RAB11FIP4: variants seen among roughly 807,000 people sequenced by gnomAD.
The protein encoded by RAB11FIP4 is rab11 family-interacting protein 4.
Under a neutral mutation model 74.3 loss-of-function variants are expected in RAB11FIP4, and 23 were observed. That is an observed-to-expected ratio of 0.31 (90% CI 0.22 to 0.44). The LOEUF (loss-of-function observed/expected upper bound fraction) is 0.44, where lower values mean the gene tolerates loss of function less well. Among genes scored for constraint, RAB11FIP4 ranks in the 20% least tolerant of loss-of-function variants. The pLI is 1.00. For missense variants in RAB11FIP4, 630 were observed against 863.9 expected (o/e 0.73, Z 3.39); for synonymous variants, 360 against 359.9 (o/e 1.00, Z 0.00).
chr17:31,391,735 G>C lies in RAB11FIP4; in HGVS notation c.-118G>C, dbSNP rs901133775. The C allele has an allele frequency of 2.8e-5, 22 of 784,422 alleles. No homozygotes were observed. The African/African-American group carries it at 4.2e-4, about 15-fold the overall frequency. The allele number at this position is 784,422 out of a possible 1,614,324, so 48.6% of individuals were successfully genotyped here. ...GATCGGCCGCGGCCGCCACCGGGCG[G>C]AGGCTGCGCGGCGCAGACCCAGACG... On this transcript the variant is annotated 5_prime_UTR_variant, in exon 1 of 15. Transcript: ENST00000621161.
At chr17:31,465,227 T>C (rs750517349) in intron 3 of RAB11FIP4, among the ~76,000 whole-genome samples, 1 of 152,066 alleles carries the variant, frequency 6.6e-6, no homozygotes, top group Non-Finnish European at 1.5e-5. Context: ...GTCTTTCCCC[T>C]GTAGTCAGGA....
Position 31,517,669 on chromosome 17 carries a change from C to G in RAB11FIP4, c.355C>G (p.Pro119Ala), listed in dbSNP as rs2072583019. The stretch of plus-strand genomic sequence containing the variant: ...TTCCCAGGGCAGCGAGGTCACAGGC[C>G]CCACCTTTGCTGATGGCGAGCTCAT... ...CVEQGSEVTGPTFADGELIPR... is the reference protein window; with the variant it reads ...CVEQGSEVTGATFADGELIPR... Residue 119 changes from proline (P) to alanine (A), a missense_variant, in exon 4 of 15, where the codon CCC becomes GCC. Physicochemically the swap from Pro to Ala is conservative, Grantham distance 27. Coordinates refer to ENST00000621161, the MANE Select transcript of RAB11FIP4 (RefSeq NM_032932.6). 6.2e-7 allele frequency: 1 copy of G among 1,605,810 alleles called. No homozygotes were observed. Among genetic ancestry groups the G allele is most frequent in the African/African-American group, 1.3e-5 (1 of 74,834 alleles).
intron 3 of RAB11FIP4, among the ~76,000 whole-genome samples, chr17:31,478,282 C>T (rs764503864): frequency 1.1e-4 from 16 of 152,158 alleles, no homozygotes; most frequent in South Asian, 4.1e-4. Flanking sequence ...CATGAGCCAC[C>T]GTGCCTGGCC....
chr17:31,504,050 C>T (rs1374939305), intron 3 of RAB11FIP4, among the ~76,000 whole-genome samples: 1 of 149,190 alleles, frequency 6.7e-6, no homozygotes. Flanking sequence ...AAAAGACAGG[C>T]AATAACACTT....
At position 31,434,215 on chromosome 17, in the gene RAB11FIP4, G is replaced by A. The variant is rs968291562; in HGVS notation, c.336+93G>A. 85 of 1,042,666 alleles carry A rather than the reference G, an allele frequency of 8.2e-5. No homozygotes were observed. The African/African-American group carries it at 1.3e-3, about 16-fold the overall frequency. 64.6% of individuals were successfully genotyped at this position (1,042,666 alleles called of 1,614,324 possible). ...CATTTTCAGTATCTGGGAGGACCCA[G>A]AACCTCCCTCTGAGGACCCTTCTTG... On this transcript the variant is annotated intron_variant, in intron 3 of 14. Coordinates refer to ENST00000621161, the MANE Select transcript of RAB11FIP4 (RefSeq NM_032932.6).
intron 3 of RAB11FIP4, among the ~76,000 whole-genome samples, chr17:31,515,902 T>A (rs575392532): frequency 3.1e-4 from 47 of 152,250 alleles, no homozygotes; most frequent in African/African-American, 1.1e-3. Flanking sequence ...TGCCAGCATG[T>A]CTTTATCACA....
At chr17:31,451,020 C>A (rs772130584) in intron 3 of RAB11FIP4, among the ~76,000 whole-genome samples, 2 of 152,166 alleles carry the variant, frequency 1.3e-5, no homozygotes, top group Non-Finnish European at 2.9e-5. Flanking sequence ...TACCTCCAAA[C>A]TATGTCCCGA....
intron 3 of RAB11FIP4, among the ~76,000 whole-genome samples, chr17:31,470,029 G>A (rs539306553): frequency 1.2e-4 from 19 of 152,322 alleles, no homozygotes; most frequent in African/African-American, 3.8e-4. Context: ...ACACAGAGCA[G>A]GGGTGCCCCT....
intron 7 of RAB11FIP4, 137 bp downstream of exon 7, chr17:31,522,532 G>A (rs774897314): frequency 6.4e-6 from 5 of 782,636 alleles, no homozygotes; most frequent in Non-Finnish European, 1.1e-5. Context: ...GGCCATCCCA[G>A]GGCAGTGCAG....
chr17:31,417,313 C>T (rs1218906988), intron 1 of RAB11FIP4, among the ~76,000 whole-genome samples: 1 of 152,144 alleles, frequency 6.6e-6, no homozygotes, highest in Non-Finnish European at 1.5e-5. Context: ...AGAAGCACTG[C>T]CAGGGAAATC....
chr17:31,402,189 G>C (rs200736978), intron 1 of RAB11FIP4, among the ~76,000 whole-genome samples: 4 of 103,286 alleles, frequency 3.9e-5, no homozygotes, highest in African/African-American at 2.2e-4. Context: ...ATCTGTCCAT[G>C]CATCCATCCA....
chr17:31,396,193 AAAAAGAAAAGAAAAG>A (rs555737393), intron 1 of RAB11FIP4, among the ~76,000 whole-genome samples: 7 of 124,762 alleles, frequency 5.6e-5, no homozygotes, highest in Admixed American at 4.8e-4. Flanking sequence ...CAAAAAAAAA[AAAAAGAAAAGAAAAG>A]AAAAGAAAAG....
At chr17:31,466,015 C>A (rs539800131) in intron 3 of RAB11FIP4, among the ~76,000 whole-genome samples, 1 of 96,194 alleles carries the variant, frequency 1.0e-5, no homozygotes, top group East Asian at 3.3e-4. Flanking sequence ...TGGTAGCACG[C>A]GCCTGTAAGT....
chr17:31,402,816 G>T (rs560387169), intron 1 of RAB11FIP4, among the ~76,000 whole-genome samples: 12 of 151,366 alleles, frequency 7.9e-5, no homozygotes, highest in South Asian at 2.1e-4. Flanking sequence ...TAGTAGAGAC[G>T]GGGTTTCACC....
chr17:31,494,909 C>T (rs1441300244), intron 3 of RAB11FIP4, among the ~76,000 whole-genome samples: 1 of 152,224 alleles, frequency 6.6e-6, no homozygotes, highest in Non-Finnish European at 1.5e-5. Context: ...CAGACTTCTC[C>T]CCAGGTTCAG....
intron 3 of RAB11FIP4, among the ~76,000 whole-genome samples, chr17:31,486,461 C>T (rs1002461577): frequency 1.3e-5 from 2 of 152,054 alleles, no homozygotes; most frequent in Non-Finnish European, 2.9e-5. Flanking sequence ...TCCAATCTGG[C>T]CTCAAATACC....
chr17:31,467,099 C>CTTTTCT (rs1555545835), intron 3 of RAB11FIP4, among the ~76,000 whole-genome samples: 40 of 149,000 alleles, frequency 2.7e-4, no homozygotes, highest in Admixed American at 2.4e-3. Flanking sequence ...CTGAGTATTT[C>CTTTTCT]TTTCTTTTCT....
intron 3 of RAB11FIP4, among the ~76,000 whole-genome samples, chr17:31,517,115 C>T (rs1170382518): frequency 2.2e-4 from 33 of 149,048 alleles, no homozygotes; most frequent in Admixed American, 2.2e-3. Context: ...TGATTGGTTG[C>T]AGGAGGGGAC....
At chr17:31,483,898 G>C (rs955072810) in intron 3 of RAB11FIP4, among the ~76,000 whole-genome samples, 1 of 151,898 alleles carries the variant, frequency 6.6e-6, no homozygotes, top group Admixed American at 6.6e-5. Flanking sequence ...CTCTTGCATG[G>C]TGGCAGCGAA....
Sources: gnomAD v4.1 joint callset for allele counts (sites outside exome capture counted in the v4.1 genomes callset) on GRCh38, gnomAD v4.1.1 for gene constraint, MANE v1.5 for transcripts, NCBI Gene and HGNC (gene_info 2026-07-23, HGNC 2026-07-21) for gene names.